Variants in PCDH9 observed in about 807,000 individuals in gnomAD.
The protein encoded by PCDH9 is protocadherin 9, also known as protocadherin-9.
A neutral mutation model predicts 70.6 loss-of-function variants in PCDH9; 24 were observed. That is an observed-to-expected ratio of 0.34 (90% CI 0.25 to 0.48). The LOEUF (loss-of-function observed/expected upper bound fraction) is 0.48. Among genes scored for constraint, PCDH9 ranks in the 20% least tolerant of loss-of-function variants. The pLI, the probability that PCDH9 is intolerant of heterozygous loss-of-function variation, is 0.99. For synonymous variants in PCDH9, 562 were observed against 558.5 expected (o/e 1.01, Z -0.09); for missense variants, 1,281 against 1,503.6 (o/e 0.85, Z 2.45).
intron 2 of PCDH9, among the ~76,000 whole-genome samples, chr13:66,991,809 AT>A (rs1413020477): frequency 1.3e-5 from 2 of 152,168 alleles, no homozygotes; most frequent in African/African-American, 4.8e-5. Context: ...TCAATGAAGG[AT>A]ACTAATAAAT....
intron 4 of PCDH9, among the ~76,000 whole-genome samples, chr13:66,486,126 T>G (rs745799383): frequency 6.6e-6 from 1 of 152,130 alleles, no homozygotes; most frequent in Non-Finnish European, 1.5e-5. Context: ...TCAAAGTTTC[T>G]CAACTTTAGA....
At chr13:66,459,749 T>C (rs1013703056) in intron 4 of PCDH9, among the ~76,000 whole-genome samples, 16 of 152,006 alleles carry the variant, frequency 1.1e-4, no homozygotes, top group Non-Finnish European at 1.9e-4. Context: ...CATTAATGTT[T>C]GATGTTTTAG....
At chr13:67,063,137 A>G (rs2085571522) in intron 2 of PCDH9, among the ~76,000 whole-genome samples, 1 of 152,148 alleles carries the variant, frequency 6.6e-6, no homozygotes, top group South Asian at 2.1e-4. Context: ...CTCTATTGTT[A>G]ATTGTACTCA....
At chr13:67,116,555 G>GAATA (rs921899830) in intron 2 of PCDH9, among the ~76,000 whole-genome samples, 2 of 151,808 alleles carry the variant, frequency 1.3e-5, no homozygotes, top group Non-Finnish European at 2.9e-5. Flanking sequence ...AATTCAACTT[G>GAATA]AATAAAAAAA....
At chr13:66,726,947 A>G (rs999591559) in intron 3 of PCDH9, among the ~76,000 whole-genome samples, 1 of 152,108 alleles carries the variant, frequency 6.6e-6, no homozygotes, top group Non-Finnish European at 1.5e-5. Flanking sequence ...ATTCCTAAGT[A>G]TTTGGATTGT....
intron 3 of PCDH9, among the ~76,000 whole-genome samples, chr13:66,826,024 T>C (rs2080818419): frequency 6.6e-6 from 1 of 152,180 alleles, no homozygotes; most frequent in Non-Finnish European, 1.5e-5. Context: ...TTTTCAATAC[T>C]GAATTAAAAC....
chr13:66,994,460 G>A (rs2084068754), intron 2 of PCDH9, among the ~76,000 whole-genome samples: 1 of 152,152 alleles, frequency 6.6e-6, no homozygotes, highest in Admixed American at 6.6e-5. Flanking sequence ...CTAGCCCGGG[G>A]AATCACAAAG....
At chr13:66,710,437 T>C (rs2078776988) in intron 3 of PCDH9, among the ~76,000 whole-genome samples, 1 of 152,186 alleles carries the variant, frequency 6.6e-6, no homozygotes, top group Non-Finnish European at 1.5e-5. Flanking sequence ...TGTGTAATTT[T>C]CTTTTACTAT....
chr13:66,526,680 C>A (rs1474241700), intron 4 of PCDH9, among the ~76,000 whole-genome samples: 1 of 151,958 alleles, frequency 6.6e-6, no homozygotes, highest in African/African-American at 2.4e-5. Context: ...TTCTGATATC[C>A]TGGTTTTGCC....
chr13:67,108,128 C>G (rs1377325640), intron 2 of PCDH9, among the ~76,000 whole-genome samples: 12 of 152,196 alleles, frequency 7.9e-5, no homozygotes, highest in Non-Finnish European at 1.5e-4. Flanking sequence ...CCACACCTGG[C>G]TCACCCTTGG....
rs571381009 is a variant in PCDH9, at chr13:66,518,089, T to C, written c.3340+113121A>G. On this transcript the variant is annotated intron_variant, in intron 4 of 4. Coordinates refer to ENST00000377865, the MANE Select transcript of PCDH9 (RefSeq NM_203487.3). ...CTGTACAAGAAGCATGGCTCCAACA[T>C]CTGTTTGGCTTCTGGGGAGATATGG... Among the ~76,000 whole-genome samples the C allele has an allele frequency of 1.3e-5, 2 of 152,144 alleles. 1 individual carries two copies. Among genetic ancestry groups the C allele is most frequent in the South Asian group, 4.1e-4 (2 of 4,826 alleles).
intron 4 of PCDH9, among the ~76,000 whole-genome samples, chr13:66,500,743 C>G (rs2324913): frequency 6.6e-6 from 1 of 152,060 alleles, no homozygotes; most frequent in South Asian, 2.1e-4. Context: ...TCTTGCTTTT[C>G]CTATATGTTT....
rs565952394 is a variant in PCDH9, at chr13:67,028,474, C to T, written c.3037-124869G>A. On this transcript the variant is annotated intron_variant, in intron 2 of 4. Transcript: ENST00000377865. ...AGGAGATATACTTAGTGCTAGATGACGAGTTAATGGGTGCAGCACACCAGC... is the reference window on the plus strand; with the variant it reads ...AGGAGATATACTTAGTGCTAGATGATGAGTTAATGGGTGCAGCACACCAGC... Among the ~76,000 whole-genome samples, 285 of 150,528 alleles carry T rather than the reference C, an allele frequency of 1.9e-3. 2 individuals are homozygous for T. Among genetic ancestry groups the T allele is most frequent in the African/African-American group, 6.4e-3 (261 of 40,978 alleles).
chr13:67,155,404 T>C (rs896232894), intron 2 of PCDH9, among the ~76,000 whole-genome samples: 10 of 152,218 alleles, frequency 6.6e-5, no homozygotes, highest in South Asian at 2.1e-4. Flanking sequence ...GAATGTTCCA[T>C]AAGCATGGGA....
At chr13:67,066,239 C>CA (rs1555303414) in intron 2 of PCDH9, among the ~76,000 whole-genome samples, 25 of 144,078 alleles carry the variant, frequency 1.7e-4, no homozygotes, top group Admixed American at 8.4e-4. Flanking sequence ...TTTGGGTCAG[C>CA]TTTTTTTTTT....
intron 2 of PCDH9, among the ~76,000 whole-genome samples, chr13:67,091,581 A>T (rs971819007): frequency 6.6e-6 from 1 of 152,114 alleles, no homozygotes; most frequent in Non-Finnish European, 1.5e-5. Flanking sequence ...TCCTTCAAGG[A>T]CACATGTATT....
chr13:66,382,482 A>G (rs1956865660), intron 4 of PCDH9, among the ~76,000 whole-genome samples: 2 of 152,216 alleles, frequency 1.3e-5, no homozygotes, highest in Non-Finnish European at 1.5e-5. Context: ...CTATTGTCCT[A>G]GCTACTAAAA....
chr13:66,917,022 TGAA>T (rs1386990521), intron 2 of PCDH9, among the ~76,000 whole-genome samples: 1 of 151,534 alleles, frequency 6.6e-6, no homozygotes, highest in Non-Finnish European at 1.5e-5. Flanking sequence ...TACTTGCAGA[TGAA>T]GTTTTCTTTA....
At chr13:66,747,006 C>CAA (rs35120346) in intron 3 of PCDH9, among the ~76,000 whole-genome samples, 4 of 151,900 alleles carry the variant, frequency 2.6e-5, no homozygotes, top group African/African-American at 7.2e-5. Context: ...ACATTTTATT[C>CAA]AAAAAAACTG....
Sources: gnomAD v4.1 joint callset for allele counts (sites outside exome capture counted in the v4.1 genomes callset) on GRCh38, gnomAD v4.1.1 for gene constraint, MANE v1.5 for transcripts, NCBI Gene and HGNC (gene_info 2026-07-23, HGNC 2026-07-21) for gene names.